Variants in SVEP1 observed in about 807,000 individuals in gnomAD.
SVEP1 encodes sushi, von Willebrand factor type A, EGF and pentraxin domain-containing protein 1.
Under a neutral mutation model 367.3 loss-of-function variants are expected in SVEP1, and 164 were observed. That is an observed-to-expected ratio of 0.45 (90% CI 0.39 to 0.51). The LOEUF is 0.51. Among genes scored for constraint, SVEP1 ranks in the 20% least tolerant of loss-of-function variants. The pLI, the probability that SVEP1 is intolerant of heterozygous loss-of-function variation, is 0.00. For synonymous variants in SVEP1, 1,666 were observed against 1,611.6 expected, an observed-to-expected ratio of 1.03 and a Z score of -0.81; for missense variants, 4,117 against 4,425.3, an observed-to-expected ratio of 0.93 and a Z score of 1.98.
chr9:110,501,078 T>G (rs1829521561), intron 6 of SVEP1, among the ~76,000 whole-genome samples: 1 of 148,104 alleles, frequency 6.8e-6, no homozygotes, highest in Non-Finnish European at 1.5e-5. Context: ...CATAAATATA[T>G]GTACTATATA....
intron 43 of SVEP1, among the ~76,000 whole-genome samples, chr9:110,383,950 T>C (rs1401510527): frequency 5.3e-5 from 6 of 112,280 alleles, no homozygotes; most frequent in Non-Finnish European, 1.1e-4. Context: ...CCAGTCTCCC[T>C]GGCACCAGCA....
Position 110,516,973 on chromosome 9 carries a change from C to T in SVEP1, c.965-2867G>A, listed in dbSNP as rs73532800. Reference sequence around the variant, plus strand: ...GCTTATAGGAAAGGAAATTAAGATACTCATAAAGGGGAAAATCAGATTGAT... The same window carrying T: ...GCTTATAGGAAAGGAAATTAAGATATTCATAAAGGGGAAAATCAGATTGAT... On this transcript the variant is annotated intron_variant, in intron 3 of 47. Coordinates refer to ENST00000374469, the MANE Select transcript of SVEP1 (RefSeq NM_153366.4). Among the ~76,000 whole-genome samples the T allele has an allele frequency of 7.8e-3, 1,186 of 152,156 alleles. 16 individuals carry two copies. The highest frequency in any genetic ancestry group is 0.027 in the African/African-American group (1,114 of 41,520).
At chr9:110,550,516 A>ATCTATCTATCTATCTATCTG (rs1830273105) in intron 1 of SVEP1, among the ~76,000 whole-genome samples, 1 of 150,946 alleles carries the variant, frequency 6.6e-6, no homozygotes, top group African/African-American at 2.4e-5. Context: ...CTATCTATCT[A>ATCTATCTATCTATCTATCTG]TCTATCTATC....
At chr9:110,496,183 T>C (rs1271248276) in intron 8 of SVEP1, among the ~76,000 whole-genome samples, 1 of 152,206 alleles carries the variant, frequency 6.6e-6, no homozygotes, top group Non-Finnish European at 1.5e-5. Context: ...AGTATTGTGA[T>C]GGTTAATATT....
intron 44 of SVEP1, among the ~76,000 whole-genome samples, chr9:110,377,985 G>A (rs1156381984): frequency 6.6e-6 from 1 of 152,084 alleles, no homozygotes; most frequent in African/African-American, 2.4e-5. Flanking sequence ...TCTGTGTCTG[G>A]CTTATTTCAT....
chr9:110,407,807 T>A lies in SVEP1; in HGVS notation c.7793A>T (p.Glu2598Val). ...TGGGATGGAACTTGACCATCCTGAC[T>A]CTTCACAGGTCTGCATGGCATGACC... ...VAGHAMQTCE[E>V]SGWSSSIPTC... Residue 2598 changes from glutamate to valine, a missense_variant, in exon 38 of 48, where the codon GAG becomes GTG. Glu to Val is a moderately radical substitution (Grantham distance 121). Transcript: ENST00000374469. The A allele has an allele frequency of 1.2e-6, 2 of 1,613,976 alleles. No homozygotes were observed. Among genetic ancestry groups the A allele is most frequent in the Non-Finnish European group, 8.5e-7 (1 of 1,179,890 alleles).
chr9:110,400,618 C>T (rs1000813585), intron 40 of SVEP1, among the ~76,000 whole-genome samples: 25 of 152,114 alleles, frequency 1.6e-4, no homozygotes, highest in African/African-American at 5.3e-4. Flanking sequence ...CTGCCCACCT[C>T]GGCCTCCCAA....
At chr9:110,481,114 C>T in intron 12 of SVEP1, 128 bp downstream of exon 12, 1 of 650,080 alleles carries the variant, frequency 1.5e-6, no homozygotes, top group Non-Finnish European at 2.3e-6. Flanking sequence ...CTCTTATTCA[C>T]AAACATTTCA....
intron 5 of SVEP1, among the ~76,000 whole-genome samples, chr9:110,508,541 C>A (rs1829658646): frequency 1.3e-5 from 2 of 151,842 alleles, no homozygotes; most frequent in Non-Finnish European, 2.9e-5. Flanking sequence ...GCGGGTGGAT[C>A]ATGAGGTCAG....
chr9:110,442,024 A>G (rs947207366), intron 27 of SVEP1, among the ~76,000 whole-genome samples: 2 of 152,150 alleles, frequency 1.3e-5, no homozygotes, highest in Non-Finnish European at 2.9e-5. Context: ...CAGATACATC[A>G]ATCTTTTTCT....
In SVEP1 at chr9:110,436,490, C is replaced by A. The variant is rs1049123989; in HGVS notation, c.4654G>T (p.Val1552Phe). 7 of 1,613,632 alleles carry A rather than the reference C, an allele frequency of 4.3e-6. No homozygotes were observed. Among genetic ancestry groups the A allele is most frequent in the Non-Finnish European group, 5.9e-6 (7 of 1,179,808 alleles). ...TTTTTGTCTTGCTCTTGCCCCAGAACTAACGCACCACCACCTAAGGAGAGA... is the reference window on the plus strand; with the variant it reads ...TTTTTGTCTTGCTCTTGCCCCAGAAATAACGCACCACCACCTAAGGAGAGA... Reference protein sequence around the residue: ...GLPIPGGGALVLGQEQDKKGE... With the variant: ...GLPIPGGGALFLGQEQDKKGE... Residue 1552 changes from valine to phenylalanine, a missense_variant, in exon 28 of 48, where the codon GTT becomes TTT. Transcript: ENST00000374469.
chr9:110,548,196 G>A (rs10980437), intron 2 of SVEP1, among the ~76,000 whole-genome samples: 17,214 of 152,128 alleles, frequency 0.11, 1,336 homozygotes, highest in East Asian at 0.33. Context: ...TCTTCCATGT[G>A]CTACATACTA....
chr9:110,523,571 C>T (rs1045399704), intron 3 of SVEP1, among the ~76,000 whole-genome samples: 1 of 152,124 alleles, frequency 6.6e-6, no homozygotes, highest in Non-Finnish European at 1.5e-5. Context: ...GGATTAAAAA[C>T]ATGATCCAGC....
At chr9:110,429,693 T>C (rs1192394387) in intron 34 of SVEP1, among the ~76,000 whole-genome samples, 1 of 152,194 alleles carries the variant, frequency 6.6e-6, no homozygotes, top group Non-Finnish European at 1.5e-5. Flanking sequence ...AAGGGGGCAC[T>C]GGAGGTAATG....
At position 110,404,394 on chromosome 9, in the gene SVEP1, T is replaced by C; in HGVS notation, c.9599A>G (p.Asn3200Ser). 1 of 1,614,028 alleles carries C rather than the reference T, an allele frequency of 6.2e-7. No homozygotes were observed. The highest frequency in any genetic ancestry group is 8.5e-7 in the Non-Finnish European group (1 of 1,179,894). The part of the protein sequence containing the change: ...ILVHGDDFSV[N>S]RQVSVSCAEG... ...TGCACATGACACAGAAACTTGCCTA[T>C]TCACACTGAAATCGTCCCCATGTAC... is the stretch of plus-strand genomic sequence containing the variant. The change falls in exon 39 of 48, where the codon AAT (asparagine) becomes AGT (serine). Residue 3200 changes from asparagine (N) to serine (S), a missense_variant. Asn to Ser is a conservative substitution (Grantham distance 46). Coordinates refer to ENST00000374469, the MANE Select transcript of SVEP1 (RefSeq NM_153366.4).
intron 28 of SVEP1, among the ~76,000 whole-genome samples, chr9:110,435,607 A>G (rs780201150): frequency 6.6e-6 from 1 of 152,068 alleles, no homozygotes; most frequent in Admixed American, 6.5e-5. Context: ...TTGGAATCCT[A>G]CACCTAGAAT....
At chr9:110,478,104 CT>C (rs1829125335) in intron 13 of SVEP1, among the ~76,000 whole-genome samples, 1 of 152,142 alleles carries the variant, frequency 6.6e-6, no homozygotes, top group Admixed American at 6.5e-5. Context: ...CTGAAACACA[CT>C]CCTGCCTCAG....
intron 39 of SVEP1, among the ~76,000 whole-genome samples, chr9:110,402,190 A>G (rs546015512): frequency 1.4e-4 from 22 of 151,872 alleles, no homozygotes; most frequent in African/African-American, 5.3e-4. Context: ...TTCTCCAGAG[A>G]CTTGTGATGA....
intron 36 of SVEP1, among the ~76,000 whole-genome samples, chr9:110,415,732 T>A (rs76737380): frequency 1.3e-5 from 2 of 151,906 alleles, no homozygotes; most frequent in South Asian, 4.1e-4. Flanking sequence ...ACTTGACGAA[T>A]TACAACACAA....
Sources: gnomAD v4.1 joint callset for allele counts (sites outside exome capture counted in the v4.1 genomes callset) on GRCh38, gnomAD v4.1.1 for gene constraint, MANE v1.5 for transcripts, NCBI Gene and HGNC (gene_info 2026-07-23, HGNC 2026-07-21) for gene names.